The following CACNA2D1 variants were observed in gnomAD, a reference collection of about 807,000 sequenced individuals.
CACNA2D1 encodes calcium voltage-gated channel auxiliary subunit alpha2delta 1, also known as voltage-dependent calcium channel subunit alpha-2/delta-1.
In CACNA2D1, 53 loss-of-function variants were observed where a neutral mutation model predicts 171.5. The observed-to-expected ratio is 0.31, with a 90% CI of 0.25 to 0.39. The LOEUF is 0.39. Ranked by LOEUF, CACNA2D1 falls within the 10% of genes least tolerant of loss-of-function variation. The pLI is 1.00. For missense variants in CACNA2D1, 903 were observed against 1,299.8 expected, an observed-to-expected ratio of 0.69 and a Z score of 4.69; for synonymous variants, 442 against 443.1, an observed-to-expected ratio of 1.00 and a Z score of 0.03.
chr7:82,066,575 C>A lies in CACNA2D1; in HGVS notation c.659-51G>T, dbSNP rs374654771. On this transcript the variant is annotated intron_variant, in intron 7 of 38. Coordinates refer to ENST00000356860, the MANE Select transcript of CACNA2D1 (RefSeq NM_000722.4). ...ATTAAATCAAAATATTAGATATGCTCTAAAAATAATGAGACTTTAAAAATC... is the reference window on the plus strand; with the variant it reads ...ATTAAATCAAAATATTAGATATGCTATAAAAATAATGAGACTTTAAAAATC... The A allele has an allele frequency of 5.8e-6, 9 of 1,541,296 alleles. No individual in the cohort carries two copies. The African/African-American group carries it at 1.1e-4, about 19-fold the overall frequency.
At chr7:82,093,189 T>C (rs1811437962) in intron 6 of CACNA2D1, among the ~76,000 whole-genome samples, 1 of 152,110 alleles carries the variant, frequency 6.6e-6, no homozygotes, top group African/African-American at 2.4e-5. Context: ...GGAAAGTGTT[T>C]TACCCTCTCT....
intron 3 of CACNA2D1, among the ~76,000 whole-genome samples, chr7:82,200,080 T>A (rs753471281): frequency 6.6e-6 from 1 of 152,092 alleles, no homozygotes; most frequent in Admixed American, 6.5e-5. Context: ...AGATAAACTA[T>A]AATTTTTCCC....
intron 1 of CACNA2D1, among the ~76,000 whole-genome samples, chr7:82,371,267 C>A (rs1041307009): frequency 6.6e-6 from 1 of 152,098 alleles, no homozygotes; most frequent in Non-Finnish European, 1.5e-5. Context: ...AAGGTTATAG[C>A]AAAGTGATGG....
At chr7:82,418,934 G>A (rs1373868085) in intron 1 of CACNA2D1, among the ~76,000 whole-genome samples, 1 of 151,770 alleles carries the variant, frequency 6.6e-6, no homozygotes, top group African/African-American at 2.4e-5. Flanking sequence ...GTGAAACCCC[G>A]TCTCTACTAA....
chr7:82,342,943 T>C (rs1204805227), intron 2 of CACNA2D1: 1 of 152,152 alleles, frequency 6.6e-6, no homozygotes, highest in Non-Finnish European at 1.5e-5. Flanking sequence ...GCTCAGAACT[T>C]CTAGTGGCTA....
intron 3 of CACNA2D1, among the ~76,000 whole-genome samples, chr7:82,247,271 A>G (rs923476951): frequency 3.9e-5 from 6 of 152,180 alleles, no homozygotes; most frequent in Non-Finnish European, 5.9e-5. Context: ...GCACTTTGGG[A>G]GGCTGAGGCG....
chr7:82,122,668 G>T (rs1789873959), intron 5 of CACNA2D1, among the ~76,000 whole-genome samples: 1 of 152,082 alleles, frequency 6.6e-6, no homozygotes, highest in Non-Finnish European at 1.5e-5. Flanking sequence ...TATATTTTGG[G>T]AAGAGAGTGA....
chr7:82,000,275 T>C (rs532640102), intron 18 of CACNA2D1, among the ~76,000 whole-genome samples: 27 of 151,662 alleles, frequency 1.8e-4, no homozygotes, highest in South Asian at 1.7e-3. Flanking sequence ...AATAAATAAA[T>C]AAACAAAACA....
chr7:82,440,654 T>C (rs1830431452), intron 1 of CACNA2D1, among the ~76,000 whole-genome samples: 1 of 151,896 alleles, frequency 6.6e-6, no homozygotes. Context: ...ATTTTAGTGT[T>C]AACTCTTAGA....
At chr7:82,433,026 A>G (rs1829828436) in intron 1 of CACNA2D1, among the ~76,000 whole-genome samples, 1 of 152,060 alleles carries the variant, frequency 6.6e-6, no homozygotes, top group Admixed American at 6.6e-5. Context: ...TCTCTACTAA[A>G]TATACAAAAA....
chr7:82,377,373 G>A (rs1006425553), intron 1 of CACNA2D1, among the ~76,000 whole-genome samples: 2 of 152,140 alleles, frequency 1.3e-5, no homozygotes, highest in African/African-American at 4.8e-5. Flanking sequence ...ATGCTGGCAT[G>A]TCTTGTCCCC....
At chr7:82,401,071 G>C (rs1826347088) in intron 1 of CACNA2D1, among the ~76,000 whole-genome samples, 1 of 152,118 alleles carries the variant, frequency 6.6e-6, no homozygotes, top group Admixed American at 6.6e-5. Context: ...TGCTGGAGAG[G>C]ATGTGGAGAA....
chr7:82,416,523 A>G (rs1459359981), intron 1 of CACNA2D1, among the ~76,000 whole-genome samples: 2 of 152,140 alleles, frequency 1.3e-5, no homozygotes, highest in Non-Finnish European at 2.9e-5. Context: ...GAGAGCTCTC[A>G]GGGAAGATCT....
At chr7:82,275,808 C>T (rs1426214519) in intron 3 of CACNA2D1, among the ~76,000 whole-genome samples, 1 of 152,134 alleles carries the variant, frequency 6.6e-6, no homozygotes, top group Non-Finnish European at 1.5e-5. Context: ...ATTACATTTG[C>T]TCTTTGACAG....
chr7:82,042,689 T>G (rs1804105247), intron 10 of CACNA2D1, among the ~76,000 whole-genome samples: 1 of 152,110 alleles, frequency 6.6e-6, no homozygotes, highest in African/African-American at 2.4e-5. Context: ...GGGGCATTCT[T>G]TCCTTTGCCC....
chr7:82,161,082 T>C (rs1483090115), intron 4 of CACNA2D1, among the ~76,000 whole-genome samples: 4 of 151,970 alleles, frequency 2.6e-5, no homozygotes, highest in African/African-American at 4.8e-5. Context: ...GGCAAGTAGA[T>C]AGTTGTGGAA....
chr7:82,041,990 A>C (rs1584514350), intron 10 of CACNA2D1, among the ~76,000 whole-genome samples: 1 of 152,162 alleles, frequency 6.6e-6, no homozygotes, highest in South Asian at 2.1e-4. Context: ...TAACACAGAA[A>C]AGTGAAGCAT....
chr7:82,078,881 G>A (rs1375412652), intron 7 of CACNA2D1, among the ~76,000 whole-genome samples: 1 of 150,310 alleles, frequency 6.7e-6, no homozygotes, highest in Non-Finnish European at 1.5e-5. Flanking sequence ...GGAGAAAGAG[G>A]AAGAAGAAAG....
At chr7:82,331,315 T>C (rs1437842180) in intron 3 of CACNA2D1, among the ~76,000 whole-genome samples, 1 of 152,166 alleles carries the variant, frequency 6.6e-6, no homozygotes, top group Non-Finnish European at 1.5e-5. Flanking sequence ...CCTATAAAAT[T>C]ACATTAGTGT....
Sources: allele counts gnomAD v4.1 joint callset (sites outside exome capture counted in the v4.1 genomes callset), GRCh38; gene constraint gnomAD v4.1.1; transcripts MANE v1.5; gene names NCBI Gene and HGNC (gene_info 2026-07-23, HGNC 2026-07-21).